The following GPATCH1 variants were observed in gnomAD, a reference collection of about 807,000 sequenced individuals.
The protein encoded by GPATCH1 is G-patch domain containing 1.
Under a neutral mutation model 114.9 loss-of-function variants are expected in GPATCH1, and 73 were observed. The observed-to-expected ratio is 0.64, with a 90% CI of 0.53 to 0.77. The LOEUF (loss-of-function observed/expected upper bound fraction) is 0.77, where lower values mean the gene tolerates loss of function less well. GPATCH1 is among the 30% of genes least tolerant of loss of function. The pLI is 0.00. For synonymous variants in GPATCH1, 391 were observed against 428.4 expected, an observed-to-expected ratio of 0.91 and a Z score of 1.08; for missense variants, 1,058 against 1,144.3, an observed-to-expected ratio of 0.92 and a Z score of 1.09.
At chr19:33,113,656 G>T in intron 13 of GPATCH1, 111 bp from the exon 14 acceptor site, 1 of 827,046 alleles carries the variant, frequency 1.2e-6, no homozygotes, top group Admixed American at 2.5e-5. Context: ...AGCATCTTAG[G>T]AGACTTTTTA....
chr19:33,113,815 C>A lies in GPATCH1; in HGVS notation c.1941C>A (p.Val647=). ...GAGTGAAGCGTGACAAGTACTCAGT[C>A]TTCAACTTTCTGACGCTCCCAGAGA... ...LPRVKRDKYS[V]FNFLTLPETA... Residue 647 remains valine (V), a synonymous_variant, in exon 14 of 20, where the codon GTC becomes GTA. Coordinates refer to ENST00000170564, the MANE Select transcript of GPATCH1 (RefSeq NM_018025.3). The A allele has an allele frequency of 6.2e-7, 1 of 1,613,668 alleles. No homozygotes were observed.
chr19:33,129,703 T>C (rs1449459190), intron 19 of GPATCH1, among the ~76,000 whole-genome samples: 1 of 152,046 alleles, frequency 6.6e-6, no homozygotes, highest in East Asian at 1.9e-4. Flanking sequence ...ATCCCAGCAC[T>C]TTGGGAGGCC....
At position 33,101,481 on chromosome 19, in the gene GPATCH1, A is replaced by G. The variant is rs763174532; in HGVS notation, c.1001-14A>G. The G allele has an allele frequency of 5.6e-6, 8 of 1,439,314 alleles. No individual in the cohort carries two copies. The highest frequency in any genetic ancestry group is 7.8e-6 in the Non-Finnish European group (8 of 1,024,016). 89.2% of individuals were successfully genotyped at this position (1,439,314 alleles called of 1,614,324 possible). On this transcript the variant is annotated splice_polypyrimidine_tract_variant and intron_variant, in intron 8 of 19. Coordinates refer to ENST00000170564, the MANE Select transcript of GPATCH1 (RefSeq NM_018025.3). ...TCTCTACTTCTGGAATTAATCTATG[A>G]CATCATTTTGTAGAATCAGAGAAAG... is the stretch of plus-strand genomic sequence containing the variant.
chr19:33,083,840 G>A (rs540159820), intron 1 of GPATCH1, among the ~76,000 whole-genome samples: 1 of 151,520 alleles, frequency 6.6e-6, no homozygotes, highest in East Asian at 2.0e-4. Context: ...TGAGAGTTTC[G>A]CTCTTGTCAC....
intron 10 of GPATCH1, among the ~76,000 whole-genome samples, chr19:33,109,478 A>G (rs1972824422): frequency 6.6e-6 from 1 of 152,102 alleles, no homozygotes; most frequent in African/African-American, 2.4e-5. Context: ...GTACCATTGC[A>G]CTCCAGGCTG....
chr19:33,118,953 A>G (rs1472045894), intron 16 of GPATCH1, 57 bp from the exon 17 acceptor site: 16 of 1,009,806 alleles, frequency 1.6e-5, no homozygotes, highest in Non-Finnish European at 2.0e-5. Context: ...TGAATGAAAG[A>G]CTCAGAGACA....
At chr19:33,126,277 CA>C (rs1407595041) in intron 18 of GPATCH1, among the ~76,000 whole-genome samples, 2 of 152,334 alleles carry the variant, frequency 1.3e-5, no homozygotes, top group Middle Eastern at 3.4e-3. Flanking sequence ...GGAGGTGGCA[CA>C]GGTCACCATG....
At chr19:33,103,323 G>A (rs769060745) in intron 9 of GPATCH1, among the ~76,000 whole-genome samples, 4 of 152,202 alleles carry the variant, frequency 2.6e-5, no homozygotes, top group Non-Finnish European at 4.4e-5. Flanking sequence ...ATCTAGGACA[G>A]TGTCGGGCAT....
intron 10 of GPATCH1, among the ~76,000 whole-genome samples, chr19:33,108,739 G>T (rs1972815765): frequency 6.6e-6 from 1 of 152,072 alleles, no homozygotes; most frequent in African/African-American, 2.4e-5. Context: ...GCCAGGTCCT[G>T]GCATAGAGCT....
At chr19:33,126,502 A>G in intron 18 of GPATCH1, 86 bp from the exon 19 acceptor site, 1 of 1,574,050 alleles carries the variant, frequency 6.4e-7, no homozygotes, top group Admixed American at 2.0e-5. Context: ...TGACTCCATC[A>G]CTGCAGCCTT....
Position 33,101,496 on chromosome 19 carries a change from A to C in GPATCH1, c.1002A>C (p.Glu334Asp). Residue 334 changes from glutamate (E) to aspartate (D), a missense_variant and splice_region_variant, in exon 9 of 20, where the codon GAA becomes GAC. By Grantham distance (45) the Glu-to-Asp change is conservative. This residue lies in a region of GPATCH1 where 893 missense variants were observed against 977.4 expected (regional missense o/e 0.91). Transcript: ENST00000170564. Reference sequence around the variant, plus strand: ...TTAATCTATGACATCATTTTGTAGAATCAGAGAAAGACCTTCGGTACGTTG... The same window carrying C: ...TTAATCTATGACATCATTTTGTAGACTCAGAGAAAGACCTTCGGTACGTTG... ...TAPRQYKNQK[E>D]SEKDLRYVGK... 1 of 1,550,312 alleles carries C rather than the reference A, an allele frequency of 6.5e-7. No individual in the cohort carries two copies. Among genetic ancestry groups the C allele is most frequent in the Non-Finnish European group, 8.9e-7 (1 of 1,122,052 alleles).
Position 33,113,899 on chromosome 19 carries a change from C to G in GPATCH1, c.2025C>G (p.Pro675=). Residue 675 remains proline, a synonymous_variant, in exon 14 of 20, where the codon CCC becomes CCG. Coordinates refer to ENST00000170564, the MANE Select transcript of GPATCH1 (RefSeq NM_018025.3). The stretch of plus-strand genomic sequence containing the variant: ...AAAAAGTATCACAGCACCGAGGTCC[C>G]GACAGTGAGTAGGGCGTCCCCGGGG... ...SSEKVSQHRG[P]DKSRKPSRWD... The G allele has an allele frequency of 6.2e-7, 1 of 1,613,916 alleles. No individual in the cohort carries two copies. Among genetic ancestry groups the G allele is most frequent in the Middle Eastern group, 1.6e-4 (1 of 6,062 alleles).
At chr19:33,103,758 A>G (rs1337408123) in intron 9 of GPATCH1, among the ~76,000 whole-genome samples, 4 of 152,168 alleles carry the variant, frequency 2.6e-5, no homozygotes, top group Non-Finnish European at 5.9e-5. Context: ...AGAAGCACTC[A>G]CTGGTCCTTA....
chr19:33,091,134 G>A (rs1972589783), intron 3 of GPATCH1, among the ~76,000 whole-genome samples: 1 of 152,148 alleles, frequency 6.6e-6, no homozygotes, highest in Non-Finnish European at 1.5e-5. Context: ...CCTCGTGGCT[G>A]GGTGCGGTGG....
At chr19:33,087,818 G>A (rs781475322) in intron 1 of GPATCH1, among the ~76,000 whole-genome samples, 2 of 151,756 alleles carry the variant, frequency 1.3e-5, no homozygotes, top group Non-Finnish European at 2.9e-5. Context: ...TAAGTAGCTG[G>A]GATTACAGAC....
intron 16 of GPATCH1, 109 bp downstream of exon 16, chr19:33,118,150 G>T: frequency 3.1e-6 from 2 of 644,086 alleles, no homozygotes; most frequent in Non-Finnish European, 5.4e-6. Flanking sequence ...AGCAATCAAT[G>T]ATATGTAATC....
intron 8 of GPATCH1, among the ~76,000 whole-genome samples, chr19:33,101,077 G>C (rs1446602523): frequency 2.6e-5 from 4 of 152,196 alleles, no homozygotes; most frequent in African/African-American, 9.7e-5. Flanking sequence ...TAGTCACCCT[G>C]TAGTTCTTCA....
At chr19:33,113,731 G>A in intron 13 of GPATCH1, 36 bp from the exon 14 acceptor site, 1 of 1,603,120 alleles carries the variant, frequency 6.2e-7, no homozygotes, top group Non-Finnish European at 8.5e-7. Context: ...TTGTCCTACT[G>A]GTTGTTACTA....
chr19:33,090,869 C>A lies in GPATCH1; in HGVS notation c.294+4C>A. 4 of 1,600,070 alleles carry A rather than the reference C, an allele frequency of 2.5e-6. No individual in the cohort carries two copies. Among genetic ancestry groups the A allele is most frequent in the South Asian group, 1.1e-5 (1 of 90,664 alleles). On this transcript the variant is annotated splice_donor_region_variant and intron_variant, in intron 3 of 19. Transcript: ENST00000170564. Reference sequence around the variant, plus strand: ...TGAAGATTTTATGGATGAAGAGGTGCGTGTGCAAAACTTTAATTGCCAATT... The same window carrying A: ...TGAAGATTTTATGGATGAAGAGGTGAGTGTGCAAAACTTTAATTGCCAATT...
Sources: gnomAD v4.1 joint callset for allele counts (sites outside exome capture counted in the v4.1 genomes callset) on GRCh38, gnomAD v4.1.1 for gene constraint, gnomAD v4.1.1 regional missense constraint, MANE v1.5 for transcripts, NCBI Gene and HGNC (gene_info 2026-07-23, HGNC 2026-07-21) for gene names.